Variants in HDAC9 observed in about 807,000 individuals in gnomAD.
HDAC9 encodes MEF-2 interacting transcription repressor (MITR) protein.
A neutral mutation model predicts 139.4 loss-of-function variants in HDAC9; 41 were observed. That is an observed-to-expected ratio of 0.29 (90% CI 0.23 to 0.38). The LOEUF is 0.38. HDAC9 is among the 10% of genes least tolerant of loss of function. The pLI, the probability that HDAC9 is intolerant of heterozygous loss-of-function variation, is 1.00. For missense variants in HDAC9, 1,147 were observed against 1,297.0 expected (o/e 0.88, Z 1.78); for synonymous variants, 517 against 476.2 (o/e 1.09, Z -1.12).
intron 22 of HDAC9, among the ~76,000 whole-genome samples, chr7:18,930,906 A>G (rs1804681470): frequency 6.6e-6 from 1 of 152,150 alleles, no homozygotes; most frequent in Non-Finnish European, 1.5e-5. Flanking sequence ...TTTCATTGCC[A>G]GAGGAAAGAG....
At chr7:18,149,801 G>A (rs1386117560) in intron 1 of HDAC9, among the ~76,000 whole-genome samples, 1 of 152,008 alleles carries the variant, frequency 6.6e-6, no homozygotes, top group Admixed American at 6.6e-5. Flanking sequence ...TGATCTGCCC[G>A]CCTTGGCCTC....
intron 1 of HDAC9, among the ~76,000 whole-genome samples, chr7:18,373,975 GAT>G (rs1229398190): frequency 6.6e-6 from 1 of 151,588 alleles, no homozygotes. Flanking sequence ...TTAATTTATT[GAT>G]ACTGTAAAAA....
intron 21 of HDAC9, among the ~76,000 whole-genome samples, chr7:18,837,158 T>A (rs1473463090): frequency 6.6e-6 from 1 of 151,698 alleles, no homozygotes; most frequent in Non-Finnish European, 1.5e-5. Context: ...TGGCTTGGCA[T>A]TCAAGATACA....
At chr7:18,282,610 T>G (rs927936356) in intron 2 of HDAC9, among the ~76,000 whole-genome samples, 1 of 152,178 alleles carries the variant, frequency 6.6e-6, no homozygotes, top group Admixed American at 6.5e-5. Context: ...TCTGCTCACT[T>G]GGATTATGTG....
At chr7:18,463,371 T>G (rs1011780256) in intron 1 of HDAC9, among the ~76,000 whole-genome samples, 16 of 152,122 alleles carry the variant, frequency 1.1e-4, no homozygotes, top group Middle Eastern at 3.4e-3. Flanking sequence ...GGTGTGTGTG[T>G]GGGGCAAGGG....
intron 2 of HDAC9, chr7:18,578,045 G>C (rs532087997): frequency 2.1e-6 from 1 of 468,042 alleles, no homozygotes; most frequent in Non-Finnish European, 4.3e-6. Flanking sequence ...ATCCCCACCA[G>C]CTTAGCTTGA....
intron 1 of HDAC9, among the ~76,000 whole-genome samples, chr7:18,381,500 A>C (rs1407696108): frequency 6.6e-6 from 1 of 152,036 alleles, no homozygotes; most frequent in African/African-American, 2.4e-5. Flanking sequence ...AAAGGAAATA[A>C]AAACTAATCA....
At chr7:18,462,125 A>T (rs573625514) in intron 1 of HDAC9, among the ~76,000 whole-genome samples, 14 of 152,184 alleles carry the variant, frequency 9.2e-5, no homozygotes, top group African/African-American at 3.1e-4. Flanking sequence ...AAAAAAAATC[A>T]TCTGGAAATT....
chr7:18,985,089 A>C (rs1267298830), intron 25 of HDAC9, among the ~76,000 whole-genome samples: 2 of 151,900 alleles, frequency 1.3e-5, no homozygotes, highest in South Asian at 4.2e-4. Flanking sequence ...TATTATTATT[A>C]TACTTTAAGT....
intron 21 of HDAC9, among the ~76,000 whole-genome samples, chr7:18,839,432 G>C (rs781313422): frequency 6.6e-6 from 1 of 152,054 alleles, no homozygotes. Flanking sequence ...CAAAGTGTAA[G>C]ACCTTCATGC....
At chr7:18,682,824 T>C (rs894640371) in intron 12 of HDAC9, among the ~76,000 whole-genome samples, 2 of 151,686 alleles carry the variant, frequency 1.3e-5, no homozygotes, top group Admixed American at 1.3e-4. Context: ...CTAATAAAAA[T>C]ACAAAAATTA....
chr7:18,855,820 G>T (rs1304630227), intron 21 of HDAC9, among the ~76,000 whole-genome samples: 1 of 152,000 alleles, frequency 6.6e-6, no homozygotes, highest in Non-Finnish European at 1.5e-5. Flanking sequence ...CTGTTTCCCA[G>T]CCTTTATGGT....
chr7:18,679,850 T>C (rs1168156999), intron 12 of HDAC9, among the ~76,000 whole-genome samples: 1 of 151,934 alleles, frequency 6.6e-6, no homozygotes, highest in Non-Finnish European at 1.5e-5. Context: ...AATGCTTCTA[T>C]TTAAAGAGGT....
rs552959417 is a variant in HDAC9, at chr7:18,350,341, T to C, written c.-42+59826T>C. ...AAAATGGATTCAGGAGCTAATTGTG[T>C]ACCAGGTTTACTGGCATTTGTGCAA... On this transcript the variant is annotated intron_variant, in intron 1 of 3. Coordinates refer to the HDAC9 transcript ENST00000413509. Among the ~76,000 whole-genome samples the C allele has an allele frequency of 1.6e-4, 25 of 152,334 alleles. No homozygotes were observed. The South Asian group carries it at 4.8e-3, about 29-fold the overall frequency.
chr7:18,503,641 TAAGG>T (rs1352286965), intron 2 of HDAC9, among the ~76,000 whole-genome samples: 1 of 152,226 alleles, frequency 6.6e-6, no homozygotes, highest in East Asian at 1.9e-4. Flanking sequence ...AAACCACTTT[TAAGG>T]AAGAAAGAAA....
intron 2 of HDAC9, among the ~76,000 whole-genome samples, chr7:18,239,670 T>C (rs1163291506): frequency 6.6e-6 from 1 of 152,182 alleles, no homozygotes; most frequent in African/African-American, 2.4e-5. Context: ...GAAAGAGAAA[T>C]ACGTGATAAA....
intron 12 of HDAC9, among the ~76,000 whole-genome samples, chr7:18,682,629 C>G (rs1781967667): frequency 6.6e-6 from 1 of 151,270 alleles, no homozygotes; most frequent in Non-Finnish European, 1.5e-5. Flanking sequence ...TCTTTTTTTT[C>G]ACTATTGATG....
intron 12 of HDAC9, chr7:18,668,974 C>A: frequency 2.7e-6 from 2 of 744,438 alleles, no homozygotes; most frequent in Non-Finnish European, 3.3e-6. Flanking sequence ...ACATTTTGAG[C>A]AGTTACATCT....
intron 1 of HDAC9, among the ~76,000 whole-genome samples, chr7:18,148,725 G>T (rs1188765467): frequency 1.3e-5 from 2 of 152,168 alleles, no homozygotes; most frequent in African/African-American, 4.8e-5. Context: ...CTCCCAAAGT[G>T]CTGGGATTAC....
Sources: gnomAD v4.1 joint callset for allele counts (sites outside exome capture counted in the v4.1 genomes callset) on GRCh38, gnomAD v4.1.1 for gene constraint, MANE v1.5 for transcripts, NCBI Gene and HGNC (gene_info 2026-07-23, HGNC 2026-07-21) for gene names.